The following FKTN variants were observed in gnomAD, a reference collection of about 807,000 sequenced individuals.
FKTN encodes the protein ribitol-5-phosphate transferase FKTN.
FKTN carries 47 observed loss-of-function variants against 58.6 expected under a neutral mutation model. The observed-to-expected ratio is 0.80, with a 90% CI of 0.63 to 1.02. FKTN has a LOEUF of 1.02. Among genes scored for constraint, FKTN ranks in the 50% least tolerant of loss-of-function variants. The pLI, the probability that FKTN is intolerant of heterozygous loss-of-function variation, is 0.00. For synonymous variants in FKTN, 178 were observed against 191.9 expected, an observed-to-expected ratio of 0.93 and a Z score of 0.60; for missense variants, 516 against 537.3, an observed-to-expected ratio of 0.96 and a Z score of 0.39.
chr9:105,619,105 T>C (rs1485323826), intron 9 of FKTN, among the ~76,000 whole-genome samples: 1 of 151,326 alleles, frequency 6.6e-6, no homozygotes, highest in East Asian at 1.9e-4. Flanking sequence ...ATTTTTTCCA[T>C]CATAAATAGT....
chr9:105,640,981 C>T lies in FKTN; in HGVS notation c.*5717C>T, dbSNP rs1219420904. On this transcript the variant is annotated 3_prime_UTR_variant, in exon 11 of 11. Transcript: ENST00000357998. ...ATGAATTGATTCAATGTGTACTTACCAGTTTACTGTGTGGTTTTATCTTCA... is the reference window on the plus strand; with the variant it reads ...ATGAATTGATTCAATGTGTACTTACTAGTTTACTGTGTGGTTTTATCTTCA... The T allele has an allele frequency of 2.0e-5, 3 of 152,028 alleles. No homozygotes were observed. Among genetic ancestry groups the T allele is most frequent in the Non-Finnish European group, 4.4e-5 (3 of 67,990 alleles). 9.4% of individuals were successfully genotyped at this position (152,028 alleles called of 1,614,324 possible). A position where few individuals can be genotyped will look rare whatever the true frequency, so the allele number is the denominator to read the frequency against.
intron 6 of FKTN, among the ~76,000 whole-genome samples, chr9:105,606,471 C>T (rs1040932685): frequency 1.3e-5 from 2 of 151,648 alleles, no homozygotes; most frequent in Non-Finnish European, 3.0e-5. Flanking sequence ...AGTTTCTAAC[C>T]TAGAATTGTT....
chr9:105,601,354 T>C lies in FKTN; in HGVS notation c.369+6T>C. 1.3e-6 allele frequency: 2 copies of C among 1,573,156 alleles called. No homozygotes were observed. Among genetic ancestry groups the C allele is most frequent in the Middle Eastern group, 1.7e-4 (1 of 5,994 alleles). The stretch of plus-strand genomic sequence containing the variant: ...ATCACCTATGGAAGAATGAGGTAAG[T>C]GACTTGCTTTCAGATAATGGAATGT... On this transcript the variant is annotated splice_donor_region_variant and intron_variant, in intron 5 of 10. Coordinates refer to ENST00000357998, the MANE Select transcript of FKTN (RefSeq NM_001079802.2).
chr9:105,633,986 T>G (rs1175636653), intron 10 of FKTN, among the ~76,000 whole-genome samples: 2 of 152,098 alleles, frequency 1.3e-5, no homozygotes, highest in Non-Finnish European at 1.5e-5. Context: ...GAAACACTTC[T>G]CAGAAAAAAA....
chr9:105,561,244 A>T (rs947745800), intron 1 of FKTN, among the ~76,000 whole-genome samples: 2 of 152,188 alleles, frequency 1.3e-5, no homozygotes, highest in South Asian at 2.1e-4. Context: ...ACTGCACTCC[A>T]GCCTGGGTGA....
intron 1 of FKTN, among the ~76,000 whole-genome samples, chr9:105,567,748 A>G (rs896187309): frequency 6.6e-6 from 1 of 152,260 alleles, no homozygotes; most frequent in Admixed American, 6.5e-5. Context: ...TGCCATCCCC[A>G]TCAAGCTACC....
intron 8 of FKTN, among the ~76,000 whole-genome samples, chr9:105,615,611 A>G (rs1239141665): frequency 6.6e-6 from 1 of 152,216 alleles, no homozygotes; most frequent in African/African-American, 2.4e-5. Context: ...TAGAAAGGCC[A>G]TGGTTGTGTT....
intron 1 of FKTN, among the ~76,000 whole-genome samples, chr9:105,559,342 C>T (rs1377202750): frequency 6.6e-6 from 1 of 152,194 alleles, no homozygotes; most frequent in East Asian, 1.9e-4. Flanking sequence ...GAGCTAGTTA[C>T]TTTCTTCTGG....
chr9:105,571,939 G>C (rs1026729820), intron 1 of FKTN, among the ~76,000 whole-genome samples: 2 of 152,154 alleles, frequency 1.3e-5, no homozygotes, highest in African/African-American at 4.8e-5. Flanking sequence ...TGTTCAACTG[G>C]TAAGTGTAAT....
chr9:105,604,563 A>T, intron 6 of FKTN, 71 bp downstream of exon 6: 1 of 1,222,748 alleles, frequency 8.2e-7, no homozygotes, highest in Non-Finnish European at 1.2e-6. Flanking sequence ...GTGTTTTTAC[A>T]TTTGAGTATT....
chr9:105,568,229 T>C (rs1205740991), intron 1 of FKTN, among the ~76,000 whole-genome samples: 2 of 152,148 alleles, frequency 1.3e-5, no homozygotes, highest in Non-Finnish European at 2.9e-5. Context: ...GACATAGGCA[T>C]GGGCAAGGAC....
intron 1 of FKTN, among the ~76,000 whole-genome samples, chr9:105,564,132 A>G (rs1838895548): frequency 6.6e-6 from 1 of 152,250 alleles, no homozygotes; most frequent in Non-Finnish European, 1.5e-5. Context: ...GGACATCCAC[A>G]TCAAAACCCA....
chr9:105,593,680 C>A (rs552159080), intron 3 of FKTN, among the ~76,000 whole-genome samples: 5 of 152,172 alleles, frequency 3.3e-5, no homozygotes, highest in Non-Finnish European at 7.4e-5. Context: ...GAAGAACTGA[C>A]AAGTTAAAGA....
intron 9 of FKTN, among the ~76,000 whole-genome samples, chr9:105,618,901 C>CA (rs1020046992): frequency 6.6e-6 from 1 of 151,382 alleles, no homozygotes; most frequent in Non-Finnish European, 1.5e-5. Flanking sequence ...ACTAAAAATA[C>CA]AAAAAAAATT....
chr9:105,586,056 C>T lies in FKTN; in HGVS notation c.106-10542C>T, dbSNP rs75706160. Among the ~76,000 whole-genome samples, 1,381 of 152,274 alleles carry T rather than the reference C, an allele frequency of 9.1e-3. 22 individuals are homozygous for T. Among genetic ancestry groups the T allele is most frequent in the African/African-American group, 0.032 (1,323 of 41,562 alleles). Reference sequence around the variant, plus strand: ...AGCTTTCAGGCTTTTCAGGAAAGAACACTCTAGTACTGGCTACCTTGGAGT... The same window carrying T: ...AGCTTTCAGGCTTTTCAGGAAAGAATACTCTAGTACTGGCTACCTTGGAGT... On this transcript the variant is annotated intron_variant, in intron 3 of 10. Transcript: ENST00000357998.
intron 3 of FKTN, 35 bp from the exon 4 acceptor site, chr9:105,596,542 TAATGTTGCATGCTGGACTTTG>T: frequency 1.9e-6 from 2 of 1,074,976 alleles, no homozygotes. Flanking sequence ...AACTGAAATG[TAATGTTGCATGCTGGACTTTG>T]AATTTACTAA....
intron 10 of FKTN, among the ~76,000 whole-genome samples, chr9:105,628,323 C>T (rs74668881): frequency 0.021 from 3,128 of 152,144 alleles, 98 homozygotes; most frequent in African/African-American, 0.072. Context: ...TAGTAAGTAG[C>T]AGGTGCAAAA....
intron 1 of FKTN, among the ~76,000 whole-genome samples, chr9:105,572,430 A>G (rs1044796909): frequency 5.3e-5 from 8 of 152,182 alleles, no homozygotes; most frequent in Admixed American, 1.3e-4. Flanking sequence ...TGCTGAGACT[A>G]GAAGACCTGT....
At chr9:105,627,779 T>G (rs1259195360) in intron 10 of FKTN, among the ~76,000 whole-genome samples, 1 of 152,182 alleles carries the variant, frequency 6.6e-6, no homozygotes, top group Non-Finnish European at 1.5e-5. Flanking sequence ...CATGCTTTAT[T>G]GGAGTACTTT....
Sources: allele counts gnomAD v4.1 joint callset (sites outside exome capture counted in the v4.1 genomes callset), GRCh38; gene constraint gnomAD v4.1.1; transcripts MANE v1.5; gene names NCBI Gene and HGNC (gene_info 2026-07-23, HGNC 2026-07-21).